GTF2IRD1: variants seen among roughly 807,000 people sequenced by gnomAD.
GTF2IRD1 encodes general transcription factor II-I repeat domain-containing protein 1.
In GTF2IRD1, 26 loss-of-function variants were observed where a neutral mutation model predicts 113.2. The observed-to-expected ratio is 0.23, with a 90% CI of 0.17 to 0.32. The LOEUF (loss-of-function observed/expected upper bound fraction) is 0.32. Ranked by LOEUF, GTF2IRD1 falls within the 10% of genes least tolerant of loss-of-function variation. The pLI, the probability that GTF2IRD1 is intolerant of heterozygous loss-of-function variation, is 1.00. For missense variants in GTF2IRD1, 864 were observed against 1,280.8 expected, an observed-to-expected ratio of 0.67 and a Z score of 4.97; for synonymous variants, 484 against 529.1, an observed-to-expected ratio of 0.91 and a Z score of 1.17.
At chr7:74,565,313 T>C (rs191585822) in intron 22 of GTF2IRD1, among the ~76,000 whole-genome samples, 1 of 151,250 alleles carries the variant, frequency 6.6e-6, no homozygotes, top group Admixed American at 6.6e-5. Context: ...TCACGTAAAG[T>C]CAGGAGTTCG....
At chr7:74,580,689 C>T (rs1801361967) in intron 22 of GTF2IRD1, among the ~76,000 whole-genome samples, 2 of 151,890 alleles carry the variant, frequency 1.3e-5, no homozygotes, top group Non-Finnish European at 1.5e-5. Flanking sequence ...GACCGAAGAA[C>T]AGAATGAGCA....
At chr7:74,466,556 T>A (rs1554330847) in intron 1 of GTF2IRD1, among the ~76,000 whole-genome samples, 3 of 152,160 alleles carry the variant, frequency 2.0e-5, no homozygotes, top group Non-Finnish European at 4.4e-5. Flanking sequence ...GGAACGCTGC[T>A]GCCTCTCCCC....
chr7:74,501,348 T>C (rs1018975342), intron 1 of GTF2IRD1, among the ~76,000 whole-genome samples: 1 of 152,236 alleles, frequency 6.6e-6, no homozygotes, highest in East Asian at 1.9e-4. Flanking sequence ...GACATCCTTG[T>C]GGTGGGGTCT....
At chr7:74,499,761 G>A (rs1488329936) in intron 1 of GTF2IRD1, among the ~76,000 whole-genome samples, 7 of 151,958 alleles carry the variant, frequency 4.6e-5, no homozygotes, top group Non-Finnish European at 8.8e-5. Flanking sequence ...CATACACCAA[G>A]GAATGAATGA....
chr7:74,468,684 GTGTGT>G (rs1793894611), intron 1 of GTF2IRD1, among the ~76,000 whole-genome samples: 2 of 74,638 alleles, frequency 2.7e-5, no homozygotes, highest in Non-Finnish European at 7.1e-5. Flanking sequence ...AACTGTGTGT[GTGTGT>G]GTGTGTGTGT....
chr7:74,587,580 G>A (rs1376727162), intron 22 of GTF2IRD1, among the ~76,000 whole-genome samples: 64 of 152,042 alleles, frequency 4.2e-4, no homozygotes, highest in African/African-American at 1.3e-3. Context: ...TACCGAACCC[G>A]CCTGCCCCAA....
At chr7:74,563,297 G>A (rs1413874800) in intron 22 of GTF2IRD1, among the ~76,000 whole-genome samples, 1 of 152,018 alleles carries the variant, frequency 6.6e-6, no homozygotes, top group African/African-American at 2.4e-5. Context: ...AATGGCTCTA[G>A]GGCCTGGTGC....
At chr7:74,564,806 T>C (rs1331645931) in intron 22 of GTF2IRD1, among the ~76,000 whole-genome samples, 1 of 152,086 alleles carries the variant, frequency 6.6e-6, no homozygotes, top group East Asian at 1.9e-4. Context: ...GCTGAGGACA[T>C]CACGTTTGCC....
In GTF2IRD1 at chr7:74,530,612, C is replaced by T. The variant is rs146550900; in HGVS notation, c.1274+695C>T. Among the ~76,000 whole-genome samples, 2,555 of 90,676 alleles carry T rather than the reference C, an allele frequency of 0.028. 203 individuals carry two copies. The East Asian group carries it at 0.35, about 12-fold the overall frequency. 59.5% of individuals were successfully genotyped at this position (90,676 alleles called of 152,430 possible). ...AAAAAAAAAAAAAAAAAAAAAAAGG[C>T]GGCAGGGGTGGGGGGAAGGGACAAT... On this transcript the variant is annotated intron_variant, in intron 9 of 26. Transcript: ENST00000424337.
chr7:74,484,862 T>TG (rs1277918299), intron 1 of GTF2IRD1, among the ~76,000 whole-genome samples: 1 of 152,204 alleles, frequency 6.6e-6, no homozygotes, highest in African/African-American at 2.4e-5. Context: ...TTTTGGCTAT[T>TG]GTGAATACTG....
intron 1 of GTF2IRD1, among the ~76,000 whole-genome samples, chr7:74,486,477 G>A (rs1424675517): frequency 6.6e-6 from 1 of 152,218 alleles, no homozygotes; most frequent in Non-Finnish European, 1.5e-5. Flanking sequence ...GCCCCCCATT[G>A]CCTGCTTCCA....
intron 2 of GTF2IRD1, among the ~76,000 whole-genome samples, chr7:74,511,310 C>T (rs755037021): frequency 1.1e-4 from 17 of 152,268 alleles, no homozygotes; most frequent in South Asian, 6.2e-4. Flanking sequence ...GATGTGCCTT[C>T]GTCACCCGCC....
intron 8 of GTF2IRD1, 43 bp from the exon 9 acceptor site, chr7:74,529,691 A>T (rs1554348197): frequency 1.3e-6 from 2 of 1,589,500 alleles, no homozygotes; most frequent in Admixed American, 3.4e-5. Context: ...TGTGTCCAGC[A>T]GCCTGTCTAA....
At chr7:74,595,612 G>A (rs1420818707) in intron 25 of GTF2IRD1, among the ~76,000 whole-genome samples, 1 of 152,150 alleles carries the variant, frequency 6.6e-6, no homozygotes, top group Non-Finnish European at 1.5e-5. Context: ...ACCACCTTGA[G>A]AAAAATATAG....
At chr7:74,538,998 G>T (rs1274283275) in intron 13 of GTF2IRD1, among the ~76,000 whole-genome samples, 2 of 152,198 alleles carry the variant, frequency 1.3e-5, no homozygotes, top group Non-Finnish European at 2.9e-5. Context: ...CCCTGGCTTG[G>T]CTTCCCTGGG....
At chr7:74,593,011 C>G (rs1391080396) in intron 24 of GTF2IRD1, among the ~76,000 whole-genome samples, 2 of 151,554 alleles carry the variant, frequency 1.3e-5, no homozygotes, top group Non-Finnish European at 2.9e-5. Flanking sequence ...GTGCCCGCCA[C>G]CACACCTGGC....
chr7:74,572,188 G>A (rs781844182), intron 22 of GTF2IRD1, among the ~76,000 whole-genome samples: 1 of 152,138 alleles, frequency 6.6e-6, no homozygotes, highest in Non-Finnish European at 1.5e-5. Context: ...GTGTAGGACT[G>A]ACCTCTGCAG....
chr7:74,544,860 C>G, intron 15 of GTF2IRD1, 58 bp downstream of exon 15: 1 of 1,390,154 alleles, frequency 7.2e-7, no homozygotes, highest in Non-Finnish European at 1.0e-6. Flanking sequence ...CTCTCTTCCC[C>G]TGCCGCCCAC....
intron 1 of GTF2IRD1, among the ~76,000 whole-genome samples, chr7:74,479,675 G>A (rs1794624645): frequency 6.6e-6 from 1 of 151,962 alleles, no homozygotes; most frequent in Non-Finnish European, 1.5e-5. Flanking sequence ...CGCCGTCCTG[G>A]GCTTCTTCCA....
Sources: allele counts gnomAD v4.1 joint callset (sites outside exome capture counted in the v4.1 genomes callset), GRCh38; gene constraint gnomAD v4.1.1; transcripts MANE v1.5; gene names NCBI Gene and HGNC (gene_info 2026-07-23, HGNC 2026-07-21).